MGST1: variants seen among roughly 807,000 people sequenced by gnomAD.
The protein encoded by MGST1 is glutathione S-transferase 12.
Under a neutral mutation model 8.9 loss-of-function variants are expected in MGST1, and 5 were observed. The observed-to-expected ratio is 0.56, with a 90% confidence interval of 0.29 to 1.19. MGST1 has a LOEUF of 1.19. Ranked by LOEUF, MGST1 falls within the 50% of genes most tolerant of loss-of-function variation. The pLI is 0.08. For synonymous variants in MGST1, 54 were observed against 67.8 expected (o/e 0.80, Z 1.00); for missense variants, 182 against 187.4 (o/e 0.97, Z 0.17).
rs1048689325 is a variant in MGST1, at chr12:16,401,765, C to T, written n.778+18161C>T. ...TCTCTTCAACGGCCTTTTCCACAGACTCAGCCAGTTTGCTGTGTCAAACTT... is the reference window on the plus strand; with the variant it reads ...TCTCTTCAACGGCCTTTTCCACAGATTCAGCCAGTTTGCTGTGTCAAACTT... On this transcript the variant is annotated intron_variant and non_coding_transcript_variant, in intron 1 of 1. Transcript: ENST00000359720. This position sits in a 1 kb window ranked among gnomAD's most constrained non-coding sequence, Gnocchi z 4.3. The T allele has an allele frequency of 4.4e-6, 7 of 1,600,422 alleles. No individual in the cohort carries two copies. The highest frequency in any genetic ancestry group is 6.0e-6 in the Non-Finnish European group (7 of 1,167,618).
At chr12:16,426,483 T>C (rs1004980921) in intron 1 of MGST1, among the ~76,000 whole-genome samples, 1 of 152,240 alleles carries the variant, frequency 6.6e-6, no homozygotes, top group African/African-American at 2.4e-5. Flanking sequence ...GTTTGATTAT[T>C]ATTTAAATTT....
At chr12:16,532,553 A>C (rs766213663) in intron 4 of MGST1, among the ~76,000 whole-genome samples, 33 of 152,146 alleles carry the variant, frequency 2.2e-4, no homozygotes, top group Non-Finnish European at 4.0e-4. Flanking sequence ...AGGAAAGGGA[A>C]CTGGAAGCTA....
intron 1 of MGST1, among the ~76,000 whole-genome samples, chr12:16,393,766 A>G (rs1764250096): frequency 2.0e-5 from 3 of 152,200 alleles, no homozygotes; most frequent in Admixed American, 2.0e-4. Flanking sequence ...GCCCAGAGGT[A>G]TCTGCTACAC....
chr12:16,580,070 C>T (rs1331689881), intron 4 of MGST1, among the ~76,000 whole-genome samples: 2 of 152,078 alleles, frequency 1.3e-5, no homozygotes, highest in Non-Finnish European at 2.9e-5. Context: ...TTATGTATTT[C>T]CTGATATTAT....
At chr12:16,397,316 A>T (rs1011348232) in intron 1 of MGST1, among the ~76,000 whole-genome samples, 3 of 152,222 alleles carry the variant, frequency 2.0e-5, no homozygotes, top group African/African-American at 7.2e-5. Flanking sequence ...ACCTGAAAGT[A>T]TAAAAATTTT....
intron 1 of MGST1, among the ~76,000 whole-genome samples, chr12:16,418,765 C>G (rs1349039656): frequency 1.3e-5 from 2 of 152,124 alleles, no homozygotes; most frequent in Non-Finnish European, 2.9e-5. Context: ...ATGCCTAACT[C>G]TTACACTTGG....
intron 4 of MGST1, among the ~76,000 whole-genome samples, chr12:16,512,274 C>A (rs1282152848): frequency 6.6e-6 from 1 of 151,646 alleles, no homozygotes; most frequent in African/African-American, 2.4e-5. Flanking sequence ...TACTTGGTAG[C>A]AGTAAAAAAA....
At chr12:16,478,060 T>A (rs1024307791) in intron 4 of MGST1, among the ~76,000 whole-genome samples, 2 of 152,218 alleles carry the variant, frequency 1.3e-5, no homozygotes, top group African/African-American at 4.8e-5. Context: ...AGGTGGAATC[T>A]TGCTCTGTGG....
intron 1 of MGST1, among the ~76,000 whole-genome samples, chr12:16,422,769 C>T (rs1940849818): frequency 6.6e-6 from 1 of 152,142 alleles, no homozygotes; most frequent in Admixed American, 6.6e-5. Context: ...TAAGACAATG[C>T]TTTTCTGGTT....
chr12:16,368,784 A>G (rs1372599403), downstream of MGST1, among the ~76,000 whole-genome samples: 1 of 152,116 alleles, frequency 6.6e-6, no homozygotes, highest in African/African-American at 2.4e-5. Flanking sequence ...CCTGCATAAA[A>G]TGTGAGCCGT....
intron 4 of MGST1, among the ~76,000 whole-genome samples, chr12:16,459,418 C>G (rs1941202871): frequency 6.6e-6 from 1 of 152,012 alleles, no homozygotes; most frequent in Non-Finnish European, 1.5e-5. Context: ...ATTTATTACC[C>G]TAGTTAGTAG....
chr12:16,354,929 CT>C (rs10679908), intron 2 of MGST1, among the ~76,000 whole-genome samples: 299 of 146,270 alleles, frequency 2.0e-3, no homozygotes, highest in Non-Finnish European at 1.8e-3. Context: ...ATAAGAATGA[CT>C]TTTTTTTTTT....
chr12:16,532,760 A>AT (rs1355626056), intron 4 of MGST1, among the ~76,000 whole-genome samples: 2 of 152,122 alleles, frequency 1.3e-5, no homozygotes, highest in African/African-American at 2.4e-5. Flanking sequence ...CTACCTTAGC[A>AT]TTTTGACAAA....
In MGST1 at chr12:16,555,146, A is replaced by ATACTT. The variant is rs927013916; in HGVS notation, n.483-34379_483-34375dup. ...CAGAACGGTGTTTGGTGTTTGACTA[A>ATACTT]TACTTTATCAGAATTTGCTATCATT... On this transcript the variant is annotated intron_variant and non_coding_transcript_variant, in intron 4 of 4. Transcript: ENST00000538857. The surrounding 1 kb of genome is among the most constrained non-coding windows in gnomAD (Gnocchi z 5.5). Among the ~76,000 whole-genome samples, 19 of 152,238 alleles carry ATACTT rather than the reference A, an allele frequency of 1.2e-4. No individual in the cohort carries two copies. Among genetic ancestry groups the ATACTT allele is most frequent in the Admixed American group, 6.5e-4 (10 of 15,282 alleles).
At chr12:16,368,644 G>C (rs896559304), downstream of MGST1, among the ~76,000 whole-genome samples, 2 of 152,124 alleles carry the variant, frequency 1.3e-5, no homozygotes, top group Non-Finnish European at 2.9e-5. Context: ...GTGTTGGGTT[G>C]AATTTGGCAC....
In MGST1 at chr12:16,584,341, C is replaced by T. The variant is rs892033283; in HGVS notation, n.483-5187C>T. On this transcript the variant is annotated intron_variant and non_coding_transcript_variant, in intron 4 of 4. Coordinates refer to the MGST1 transcript ENST00000538857. This position sits in a 1 kb window ranked among gnomAD's most constrained non-coding sequence, Gnocchi z 5.2. The stretch of plus-strand genomic sequence containing the variant: ...TGTTGACAGCTGAAAGAAAAGTTGC[C>T]TCCTTAAAGGAGAGGCAAGTTTCAG... 1.3e-5 allele frequency among the ~76,000 whole-genome samples: 2 copies of T among 152,048 alleles called. No homozygotes were observed. Among genetic ancestry groups the T allele is most frequent in the African/African-American group, 4.8e-5 (2 of 41,386 alleles).
At chr12:16,373,639 T>C (rs1032845377) in intron 3 of MGST1, among the ~76,000 whole-genome samples, 5 of 152,058 alleles carry the variant, frequency 3.3e-5, no homozygotes, top group African/African-American at 1.2e-4. Flanking sequence ...TCTATACAAT[T>C]GAATAAAAAG....
At position 16,552,761 on chromosome 12, in the gene MGST1, G is replaced by A. The variant is rs568176967; in HGVS notation, n.483-36767G>A. Among the ~76,000 whole-genome samples the A allele has an allele frequency of 5.9e-5, 9 of 152,148 alleles. No homozygotes were observed. The South Asian group carries it at 1.7e-3, about 28-fold the overall frequency. On this transcript the variant is annotated intron_variant and non_coding_transcript_variant, in intron 4 of 4. Transcript: ENST00000538857. ...AGGGTTGTTTGTGGTCAAAGCTACT[G>A]GATACAATGAACATTCAAGTTTGGG...
At chr12:16,551,614 A>G (rs1407958956) in intron 4 of MGST1, among the ~76,000 whole-genome samples, 2 of 151,128 alleles carry the variant, frequency 1.3e-5, no homozygotes, top group Non-Finnish European at 3.0e-5. Flanking sequence ...TTTAAACCAC[A>G]CTGGAAAGAA....
Sources: allele counts gnomAD v4.1 joint callset (sites outside exome capture counted in the v4.1 genomes callset), GRCh38; gene constraint gnomAD v4.1.1; non-coding constraint Gnocchi (gnomAD v3.1); transcripts MANE v1.5; gene names NCBI Gene and HGNC (gene_info 2026-07-23, HGNC 2026-07-21).